Variants in EMSY observed in about 807,000 individuals in gnomAD.
The protein encoded by EMSY is EMSY transcriptional repressor, BRCA2 interacting, also known as BRCA2-interacting transcriptional repressor EMSY.
In EMSY, 26 loss-of-function variants were observed where a neutral mutation model predicts 134.6. The ratio of observed to expected loss-of-function variants is 0.19; its 90% CI spans 0.14 to 0.27. The LOEUF (loss-of-function observed/expected upper bound fraction) is 0.27. EMSY is among the 10% of genes least tolerant of loss of function. EMSY has a pLI of 1.00. For synonymous variants in EMSY, 579 were observed against 577.8 expected, an observed-to-expected ratio of 1.00 and a Z score of -0.03; for missense variants, 1,305 against 1,611.4, an observed-to-expected ratio of 0.81 and a Z score of 3.26.
exon 15 of EMSY, chr11:76,536,053 A>G (rs1951213543): frequency 1.9e-6 from 3 of 1,551,740 alleles, no homozygotes; most frequent in Non-Finnish European, 2.6e-6. Flanking sequence ...ACTCCAACAG[A>G]CAACAGGTAT....
chr11:76,523,084 T>C, intron 11 of EMSY, 71 bp from the exon 13 acceptor site: 1 of 1,444,624 alleles, frequency 6.9e-7, no homozygotes, highest in Non-Finnish European at 9.4e-7. Context: ...TAATTGTGTA[T>C]AATATAAACA....
chr11:76,529,584 TACA>T (rs1220467059), intron 14 of EMSY, among the ~76,000 whole-genome samples: 10 of 152,048 alleles, frequency 6.6e-5, no homozygotes, highest in Non-Finnish European at 1.2e-4. Context: ...ATTTAAAAAA[TACA>T]CATGCAACTC....
chr11:76,492,667 C>G (rs537626745), intron 8 of EMSY, among the ~76,000 whole-genome samples: 1 of 152,114 alleles, frequency 6.6e-6, no homozygotes, highest in African/African-American at 2.4e-5. Flanking sequence ...CCACAGAGCC[C>G]GCAGGGAGCC....
intron 14 of EMSY, among the ~76,000 whole-genome samples, chr11:76,532,670 G>A (rs1951086756): frequency 6.6e-6 from 1 of 151,906 alleles, no homozygotes; most frequent in Admixed American, 6.6e-5. Flanking sequence ...GTTTTAAGGT[G>A]GATTAAAATA....
chr11:76,501,548 T>TA (rs950327986), intron 9 of EMSY, among the ~76,000 whole-genome samples: 1 of 152,026 alleles, frequency 6.6e-6, no homozygotes, highest in African/African-American at 2.4e-5. Flanking sequence ...GTCACTGAAC[T>TA]AAAAAATGCA....
chr11:76,535,816 C>CA lies in EMSY; in HGVS notation c.2195-72dup, dbSNP rs1199962240. The CA allele has an allele frequency of 1.2e-5, 14 of 1,139,948 alleles. No individual in the cohort carries two copies. In the Admixed American group the frequency reaches 1.8e-4, roughly 14 times the overall value. The allele number at this position is 1,139,948 out of a possible 1,614,324, so 70.6% of individuals were successfully genotyped here. ...ATAAATAGAAAGATAAGCAAACAGA[C>CA]AAAAAAATTGTTTGTTTTTTTTTTT... On this transcript the variant is annotated intron_variant, in intron 14 of 20. Coordinates refer to ENST00000334736, the Ensembl canonical transcript of EMSY.
chr11:76,542,578 A>G (rs1951479803), intron 18 of EMSY, among the ~76,000 whole-genome samples: 1 of 152,200 alleles, frequency 6.6e-6, no homozygotes, highest in Non-Finnish European at 1.5e-5. Context: ...AACTCTTACC[A>G]TTTCAAAAGG....
At chr11:76,539,518 A>G (rs927346484) in intron 16 of EMSY, 81 bp from the exon 18 acceptor site, 2 of 1,418,938 alleles carry the variant, frequency 1.4e-6, no homozygotes, top group Non-Finnish European at 1.0e-6. Flanking sequence ...GGGAACATAA[A>G]TAACCTCTGG....
intron 1 of EMSY, among the ~76,000 whole-genome samples, chr11:76,446,438 T>G (rs567496314): frequency 1.3e-5 from 2 of 152,086 alleles, no homozygotes; most frequent in South Asian, 4.1e-4. Flanking sequence ...TTCTTTAACT[T>G]GCTAGGAGCT....
chr11:76,478,694 G>A (rs1385543235), intron 8 of EMSY, among the ~76,000 whole-genome samples: 2 of 151,632 alleles, frequency 1.3e-5, no homozygotes, highest in African/African-American at 4.8e-5. Context: ...CTATTTGGTA[G>A]CATGCTTTCT....
At chr11:76,533,578 C>T (rs887408673) in intron 14 of EMSY, among the ~76,000 whole-genome samples, 9 of 152,040 alleles carry the variant, frequency 5.9e-5, no homozygotes, top group African/African-American at 1.9e-4. Flanking sequence ...TCCCTTCTAA[C>T]GGAAAAGTCT....
intron 14 of EMSY, among the ~76,000 whole-genome samples, chr11:76,531,105 A>G (rs189337684): frequency 1.3e-3 from 199 of 152,226 alleles, no homozygotes; most frequent in Middle Eastern, 0.01. Context: ...TTTCTTAACC[A>G]TGTGAGAGTA....
chr11:76,447,754 C>A (rs1479505481), intron 2 of EMSY, among the ~76,000 whole-genome samples: 1 of 152,134 alleles, frequency 6.6e-6, no homozygotes, highest in Non-Finnish European at 1.5e-5. Flanking sequence ...AGAGTTATTA[C>A]TCAAATCATT....
intron 11 of EMSY, among the ~76,000 whole-genome samples, chr11:76,517,191 T>C (rs969590796): frequency 6.6e-6 from 1 of 152,094 alleles, no homozygotes; most frequent in Admixed American, 6.6e-5. Context: ...AGTAATTTGA[T>C]GTTGCTGATA....
chr11:76,497,768 GA>G (rs1949711340), intron 9 of EMSY, among the ~76,000 whole-genome samples: 1 of 151,778 alleles, frequency 6.6e-6, no homozygotes, highest in Non-Finnish European at 1.5e-5. Flanking sequence ...AAAATTTATT[GA>G]ATTTTTTAAG....
chr11:76,475,624 T>G (rs7949258), intron 8 of EMSY, among the ~76,000 whole-genome samples: 41,008 of 152,194 alleles, frequency 0.27, 5,829 homozygotes, highest in Non-Finnish European at 0.32. Context: ...GATGTGATTA[T>G]TTTGTTTCTG....
chr11:76,548,002 T>C (rs921003178), intron 20 of EMSY, among the ~76,000 whole-genome samples: 5 of 152,176 alleles, frequency 3.3e-5, no homozygotes, highest in Admixed American at 2.6e-4. Flanking sequence ...GTAACAGCAC[T>C]GTGGGTTTGG....
exon 20 of EMSY, chr11:76,546,008 A>G (rs1951633627): frequency 6.2e-7 from 1 of 1,614,184 alleles, no homozygotes; most frequent in Non-Finnish European, 8.5e-7. Flanking sequence ...ATTGATACAA[A>G]TGTAGAACAT....
At chr11:76,464,531 T>G (rs1948273271) in intron 7 of EMSY, among the ~76,000 whole-genome samples, 1 of 152,234 alleles carries the variant, frequency 6.6e-6, no homozygotes. Flanking sequence ...CTTTGTATGC[T>G]GTTATTAATT....
Sources: allele counts gnomAD v4.1 joint callset (sites outside exome capture counted in the v4.1 genomes callset), GRCh38; gene constraint gnomAD v4.1.1; transcripts MANE v1.5; gene names NCBI Gene and HGNC (gene_info 2026-07-23, HGNC 2026-07-21).